The following PCDH11X variants were observed in gnomAD, a reference collection of about 807,000 sequenced individuals.
PCDH11X encodes protocadherin-11 X-linked.
Under a neutral mutation model 53.3 loss-of-function variants are expected in PCDH11X, and 18 were observed. The ratio of observed to expected loss-of-function variants is 0.34; its 90% CI spans 0.23 to 0.50. PCDH11X has a LOEUF of 0.50. Ranked by LOEUF, PCDH11X falls within the 20% of genes least tolerant of loss-of-function variation. The pLI is 0.98. For missense variants in PCDH11X, 570 were observed against 1,032.4 expected (o/e 0.55, Z 6.14); for synonymous variants, 279 against 393.3 (o/e 0.71, Z 3.44).
chrX:92,502,390 A>G (rs1485538367), intron 10 of PCDH11X, among the ~76,000 whole-genome samples: 1 of 109,892 alleles, frequency 9.1e-6, no homozygotes, highest in East Asian at 2.8e-4. Flanking sequence ...TTCATATCGA[A>G]CTAAAAATGA....
intron 4 of PCDH11X, among the ~76,000 whole-genome samples, chrX:91,814,292 A>G (rs760413827): frequency 1.5e-4 from 17 of 111,558 alleles, no homozygotes; most frequent in Admixed American, 2.9e-4. Flanking sequence ...AAAACCAATC[A>G]TAATATCTAT....
At chrX:91,815,598 T>C (rs1936427110) in intron 4 of PCDH11X, among the ~76,000 whole-genome samples, 2 of 109,026 alleles carry the variant, frequency 1.8e-5, no homozygotes, top group Admixed American at 9.9e-5. Flanking sequence ...TTTCATATAC[T>C]TGGTAATGAC....
chrX:92,244,541 A>T (rs2067313416), intron 7 of PCDH11X, among the ~76,000 whole-genome samples: 1 of 111,189 alleles, frequency 9.0e-6, no homozygotes, highest in African/African-American at 3.3e-5. Context: ...CACAGTGCAT[A>T]ATTAAAATAA....
chrX:92,387,859 C>T lies in PCDH11X; in HGVS notation c.3269C>T (p.Pro1090Leu), dbSNP rs1484097267. The change falls in exon 9 of 11, where the codon CCT (proline) becomes CTT (leucine). Residue 1090 changes from proline (P) to leucine (L), a missense_variant. Pro to Leu is a moderately conservative substitution (Grantham distance 98). Transcript: ENST00000682573. ...STSHGLPLGY[P>L]QEEYFDRATP... ...TCTCATGGCCTGCCCCTTGGCTATCCTCAGGAGGAGTACTTTGATCGTGCT... is the reference window on the plus strand; with the variant it reads ...TCTCATGGCCTGCCCCTTGGCTATCTTCAGGAGGAGTACTTTGATCGTGCT... 5.8e-6 allele frequency: 7 copies of T among 1,209,343 alleles called. No homozygotes were observed. Among genetic ancestry groups the T allele is most frequent in the Non-Finnish European group, 7.8e-6 (7 of 895,047 alleles).
At chrX:91,787,658 C>T (rs1458186610) in intron 1 of PCDH11X, among the ~76,000 whole-genome samples, 1 of 110,912 alleles carries the variant, frequency 9.0e-6, no homozygotes, top group Non-Finnish European at 1.9e-5. Context: ...GACATTCTTT[C>T]CTTGTCCCTT....
At chrX:92,367,752 T>C (rs1193861129) in intron 8 of PCDH11X, among the ~76,000 whole-genome samples, 1 of 111,784 alleles carries the variant, frequency 8.9e-6, no homozygotes, top group Non-Finnish European at 1.9e-5. Context: ...CTTTCACTTT[T>C]GAAGCTTAGT....
chrX:92,458,479 T>G (rs1449845095), intron 9 of PCDH11X, among the ~76,000 whole-genome samples: 3 of 110,887 alleles, frequency 2.7e-5, no homozygotes, highest in African/African-American at 6.5e-5. Flanking sequence ...ATGCATTCTA[T>G]CTAACTCTAT....
chrX:91,949,322 C>A (rs1202116209), intron 6 of PCDH11X, among the ~76,000 whole-genome samples: 3 of 108,419 alleles, frequency 2.8e-5, no homozygotes, highest in Non-Finnish European at 5.7e-5. Flanking sequence ...CAAAAAATTA[C>A]CAAGCATTTT....
intron 6 of PCDH11X, among the ~76,000 whole-genome samples, chrX:91,901,160 G>A (rs1378730169): frequency 6.3e-5 from 7 of 110,925 alleles, no homozygotes; most frequent in Non-Finnish European, 9.4e-5. Context: ...GGTTTGTTGT[G>A]TAAATTAAAT....
intron 6 of PCDH11X, among the ~76,000 whole-genome samples, chrX:91,910,704 C>T (rs1941341805): frequency 9.0e-6 from 1 of 111,450 alleles, no homozygotes; most frequent in Non-Finnish European, 1.9e-5. Context: ...ATTTTTATAT[C>T]AGATCACATT....
intron 6 of PCDH11X, among the ~76,000 whole-genome samples, chrX:92,024,718 C>CAAAAAAAAAAAAAAAAAAAAAAAAAA (rs199917287): frequency 3.7e-5 from 2 of 54,675 alleles, no homozygotes; most frequent in Admixed American, 1.9e-4. Flanking sequence ...CAATCCTAAG[C>CAAAAAAAAAAAAAAAAAAAAAAAAAA]AAAAAAAAAA....
chrX:92,258,422 C>T (rs1386676555), intron 7 of PCDH11X, among the ~76,000 whole-genome samples: 1 of 104,233 alleles, frequency 9.6e-6, no homozygotes, highest in Non-Finnish European at 2.0e-5. Flanking sequence ...GGCTGGAGTG[C>T]AGTGGCTCGA....
chrX:92,034,093 CA>C (rs1478717538), intron 6 of PCDH11X, among the ~76,000 whole-genome samples: 3 of 110,323 alleles, frequency 2.7e-5, no homozygotes, highest in Non-Finnish European at 5.7e-5. Flanking sequence ...CTAGGCTTAT[CA>C]AATGGTGTTT....
At chrX:92,373,862 CAA>C (rs2070681902) in intron 8 of PCDH11X, among the ~76,000 whole-genome samples, 1 of 111,600 alleles carries the variant, frequency 9.0e-6, no homozygotes, top group Non-Finnish European at 1.9e-5. Flanking sequence ...AGTGTTCAAA[CAA>C]GTGAACTGTA....
chrX:92,240,805 A>G (rs1477116122), intron 7 of PCDH11X, among the ~76,000 whole-genome samples: 1 of 111,109 alleles, frequency 9.0e-6, no homozygotes, highest in African/African-American at 3.3e-5. Context: ...AAATTTCACA[A>G]TTCTGTTTTC....
intron 5 of PCDH11X, among the ~76,000 whole-genome samples, chrX:91,858,596 C>A (rs1295510714): frequency 9.1e-6 from 1 of 110,200 alleles, no homozygotes; most frequent in Non-Finnish European, 1.9e-5. Context: ...GAAGTCATTT[C>A]TTGAATGCTT....
intron 6 of PCDH11X, among the ~76,000 whole-genome samples, chrX:91,997,756 T>A (rs1332537666): frequency 9.0e-6 from 1 of 111,437 alleles, no homozygotes; most frequent in African/African-American, 3.3e-5. Context: ...TTCTCTCCTC[T>A]CTTCAGTTTT....
intron 6 of PCDH11X, among the ~76,000 whole-genome samples, chrX:91,922,950 C>G (rs993864693): frequency 9.9e-5 from 11 of 111,289 alleles, no homozygotes; most frequent in Non-Finnish European, 1.3e-4. Flanking sequence ...TTCACATGGA[C>G]TCTACAAAAG....
rs760409808 is a variant in PCDH11X at position 92,533,275 on chromosome X, A to G, written c.3367+64953A>G. The stretch of plus-strand genomic sequence containing the variant: ...CCCTAATAAATATTTTGAATACCCT[A>G]TAACAGGTCCTGCTCTAGGAAGTTG... On this transcript the variant is annotated intron_variant, in intron 10 of 10. Coordinates refer to ENST00000682573, the MANE Select transcript of PCDH11X (RefSeq NM_032968.5). Among the ~76,000 whole-genome samples, 9 of 111,391 alleles carry G rather than the reference A, an allele frequency of 8.1e-5. No individual in the cohort carries two copies. The East Asian group carries it at 2.5e-3, about 31-fold the overall frequency.
Sources: gnomAD v4.1 joint callset for allele counts (sites outside exome capture counted in the v4.1 genomes callset) on GRCh38, gnomAD v4.1.1 for gene constraint, MANE v1.5 for transcripts, NCBI Gene and HGNC (gene_info 2026-07-23, HGNC 2026-07-21) for gene names.